CLIP1: variants seen among roughly 807,000 people sequenced by gnomAD.
CLIP1 encodes the protein CAP-Gly domain containing linker protein 1, also known as CAP-Gly domain-containing linker protein 1.
In CLIP1, 66 loss-of-function variants were observed where a neutral mutation model predicts 161.6. That is an observed-to-expected ratio of 0.41 (90% CI 0.33 to 0.50). The LOEUF (loss-of-function observed/expected upper bound fraction) is 0.50. CLIP1 is among the 20% of genes least tolerant of loss of function. The pLI is 0.27. For synonymous variants in CLIP1, 598 were observed against 626.2 expected (o/e 0.96, Z 0.67); for missense variants, 1,376 against 1,702.0 (o/e 0.81, Z 3.37).
chr12:122,327,174 G>A (rs1287679217), intron 17 of CLIP1, among the ~76,000 whole-genome samples: 1 of 152,140 alleles, frequency 6.6e-6, no homozygotes, highest in Non-Finnish European at 1.5e-5. Flanking sequence ...GGCCAGGCAT[G>A]GTGGCTCACA....
At chr12:122,305,854 G>A (rs949788598) in intron 20 of CLIP1, among the ~76,000 whole-genome samples, 4 of 151,848 alleles carry the variant, frequency 2.6e-5, no homozygotes, top group Admixed American at 1.3e-4. Context: ...GATTGCCTAA[G>A]CTCAGGAGTT....
intron 19 of CLIP1, among the ~76,000 whole-genome samples, chr12:122,310,405 A>T (rs898080865): frequency 6.6e-6 from 1 of 152,232 alleles, no homozygotes; most frequent in Non-Finnish European, 1.5e-5. Flanking sequence ...GTATATTTTT[A>T]GGACAACTAG....
chr12:122,422,310 G>A (rs1014551736), intron 1 of CLIP1, among the ~76,000 whole-genome samples: 11 of 151,740 alleles, frequency 7.2e-5, no homozygotes, highest in Non-Finnish European at 1.0e-4. Context: ...CTCCGGAGGA[G>A]CCCCCCAGGG....
intron 1 of CLIP1, among the ~76,000 whole-genome samples, chr12:122,402,392 T>C (rs1021063062): frequency 3.9e-5 from 6 of 152,040 alleles, no homozygotes; most frequent in Non-Finnish European, 8.8e-5. Flanking sequence ...GAGGCAGAGA[T>C]GGGACGACTG....
At chr12:122,331,317 C>A (rs1951955223) in intron 15 of CLIP1, among the ~76,000 whole-genome samples, 1 of 151,726 alleles carries the variant, frequency 6.6e-6, no homozygotes, top group Non-Finnish European at 1.5e-5. Context: ...CAGTGCCTGG[C>A]CTTATTCATT....
At chr12:122,308,677 G>A (rs1950963318) in intron 20 of CLIP1, among the ~76,000 whole-genome samples, 1 of 152,200 alleles carries the variant, frequency 6.6e-6, no homozygotes, top group African/African-American at 2.4e-5. Context: ...ATTATGGCAA[G>A]GACTGCGATG....
At chr12:122,365,724 G>A in intron 3 of CLIP1, 2 of 640,780 alleles carry the variant, frequency 3.1e-6, no homozygotes, top group Non-Finnish European at 5.5e-6. Flanking sequence ...AAACAAACTT[G>A]TGGCTGGGCA....
chr12:122,309,790 C>T lies in CLIP1; in HGVS notation c.3566G>A (p.Ser1189Asn). 1.2e-6 allele frequency: 2 copies of T among 1,613,126 alleles called. No homozygotes were observed. Among genetic ancestry groups the T allele is most frequent in the Non-Finnish European group, 1.7e-6 (2 of 1,180,030 alleles). Residue 1189 changes from serine to asparagine, a missense_variant, in exon 20 of 26, where the codon AGC becomes AAC. This residue lies in a region of CLIP1 where 948 missense variants were observed against 1,134.8 expected (regional missense o/e 0.84). Coordinates refer to ENST00000620786, the MANE Select transcript of CLIP1 (RefSeq NM_001247997.2). The part of the protein sequence containing the change: ...NVKLAEELGR[S>N]RDEVTSHQKL... ...TTGATGACTTGTGACTTCGTCCCTG[C>T]TTCTCCCCAGCTCCTCAGCAAGTTT...
At chr12:122,347,978 A>C (rs769747594) in intron 9 of CLIP1, among the ~76,000 whole-genome samples, 24 of 152,190 alleles carry the variant, frequency 1.6e-4, no homozygotes, top group Non-Finnish European at 2.8e-4. Context: ...TAAACTGTTC[A>C]ATAAGTCCTT....
chr12:122,411,665 T>C (rs1342751088), intron 1 of CLIP1, among the ~76,000 whole-genome samples: 1 of 152,156 alleles, frequency 6.6e-6, no homozygotes. Context: ...ATTCCCTTTA[T>C]AAGAAATGTC....
intron 1 of CLIP1, among the ~76,000 whole-genome samples, chr12:122,391,263 G>A (rs965914200): frequency 5.9e-5 from 9 of 151,958 alleles, no homozygotes; most frequent in Admixed American, 3.3e-4. Context: ...ACTCCAGCCC[G>A]GGTGACAAAG....
At chr12:122,300,643 C>A (rs1453195590) in intron 20 of CLIP1, among the ~76,000 whole-genome samples, 6 of 152,186 alleles carry the variant, frequency 3.9e-5, no homozygotes, top group African/African-American at 1.4e-4. Context: ...CAGCTCACTG[C>A]AACCTCCGCC....
chr12:122,356,733 CCCTGCCTGATTCT>C (rs71082972), intron 5 of CLIP1, among the ~76,000 whole-genome samples: 85,451 of 150,486 alleles, frequency 0.57, 24,910 homozygotes, highest in Non-Finnish European at 0.63. Context: ...ACTGCAGCCT[CCCTGCCTGATTCT>C]CCTGCCTCAG....
At chr12:122,276,109 T>A (rs990730603) in intron 24 of CLIP1, among the ~76,000 whole-genome samples, 1 of 152,236 alleles carries the variant, frequency 6.6e-6, no homozygotes, top group East Asian at 1.9e-4. Context: ...ATATTTAAAA[T>A]ATATATAGAT....
chr12:122,335,749 G>C (rs1057041593), intron 12 of CLIP1, among the ~76,000 whole-genome samples: 19 of 152,006 alleles, frequency 1.2e-4, no homozygotes, highest in African/African-American at 4.6e-4. Context: ...AGAGGCTGCA[G>C]TGAGCCGAGA....
At chr12:122,351,629 T>G (rs1953041003) in intron 8 of CLIP1, among the ~76,000 whole-genome samples, 2 of 152,168 alleles carry the variant, frequency 1.3e-5, no homozygotes, top group Non-Finnish European at 2.9e-5. Context: ...GCCAGCAGAC[T>G]CTAAAATTGT....
At chr12:122,407,789 T>C (rs1956384031) in intron 1 of CLIP1, among the ~76,000 whole-genome samples, 1 of 141,874 alleles carries the variant, frequency 7.0e-6, no homozygotes, top group Admixed American at 7.2e-5. Context: ...GATTTCCCTT[T>C]CCATTCTTCA....
At chr12:122,308,450 G>C (rs1041266345) in intron 20 of CLIP1, among the ~76,000 whole-genome samples, 14 of 152,104 alleles carry the variant, frequency 9.2e-5, no homozygotes, top group Non-Finnish European at 4.4e-5. Flanking sequence ...CTGGTCAATG[G>C]GCTTCCATTC....
At chr12:122,300,323 C>T (rs2136412413) in intron 20 of CLIP1, among the ~76,000 whole-genome samples, 1 of 152,022 alleles carries the variant, frequency 6.6e-6, no homozygotes, top group African/African-American at 2.4e-5. Flanking sequence ...CCAGACATCT[C>T]CATATATATA....
Sources: gnomAD v4.1 joint callset for allele counts (sites outside exome capture counted in the v4.1 genomes callset) on GRCh38, gnomAD v4.1.1 for gene constraint, gnomAD v4.1.1 regional missense constraint, MANE v1.5 for transcripts, NCBI Gene and HGNC (gene_info 2026-07-23, HGNC 2026-07-21) for gene names.